Variants in DPP6 observed in about 807,000 individuals in gnomAD.
The protein encoded by DPP6 is A-type potassium channel modulatory protein DPP6.
A neutral mutation model predicts 122.6 loss-of-function variants in DPP6; 69 were observed. The observed-to-expected ratio is 0.56, with a 90% CI of 0.46 to 0.69. The LOEUF is 0.69. DPP6 is among the 30% of genes least tolerant of loss of function. The pLI, the probability that DPP6 is intolerant of heterozygous loss-of-function variation, is 0.00. For missense variants in DPP6, 928 were observed against 1,116.9 expected (o/e 0.83, Z 2.41); for synonymous variants, 418 against 433.1 (o/e 0.97, Z 0.43).
intron 1 of DPP6, among the ~76,000 whole-genome samples, chr7:154,096,941 T>A (rs1333254799): frequency 2.0e-5 from 3 of 152,214 alleles, no homozygotes; most frequent in Non-Finnish European, 4.4e-5. Flanking sequence ...CAAGGCTGGC[T>A]CAAGAAATGG....
At chr7:154,318,063 C>T (rs1241936257) in intron 1 of DPP6, among the ~76,000 whole-genome samples, 2 of 152,064 alleles carry the variant, frequency 1.3e-5, no homozygotes, top group African/African-American at 4.8e-5. Context: ...TGTGTTGATC[C>T]AGTGTTTTAA....
chr7:154,562,778 G>A (rs926503854), intron 4 of DPP6, among the ~76,000 whole-genome samples: 2 of 151,978 alleles, frequency 1.3e-5, no homozygotes, highest in Non-Finnish European at 2.9e-5. Context: ...AATGAATTTT[G>A]CATATTAGCA....
intron 10 of DPP6, among the ~76,000 whole-genome samples, chr7:154,784,279 G>A (rs1222825874): frequency 2.6e-5 from 4 of 152,060 alleles, no homozygotes; most frequent in Non-Finnish European, 5.9e-5. Flanking sequence ...AGAGACCTAG[G>A]ACAAGAGTGA....
chr7:154,020,907 A>G (rs1217824466), intron 1 of DPP6, among the ~76,000 whole-genome samples: 2 of 152,174 alleles, frequency 1.3e-5, no homozygotes, highest in Non-Finnish European at 2.9e-5. Context: ...AAATGGGTAG[A>G]CATGTGACAA....
chr7:154,579,503 T>A (rs1831903410), intron 5 of DPP6, among the ~76,000 whole-genome samples: 2 of 152,236 alleles, frequency 1.3e-5, no homozygotes, highest in Admixed American at 1.3e-4. Context: ...ATCAACCACT[T>A]TTTAAGTTAC....
At chr7:154,527,958 G>GA (rs942205111) in intron 3 of DPP6, among the ~76,000 whole-genome samples, 1 of 149,582 alleles carries the variant, frequency 6.7e-6, no homozygotes, top group African/African-American at 2.5e-5. Flanking sequence ...GAGAGAGTTA[G>GA]AAAAAATAAT....
chr7:153,900,322 A>C (rs926261678), intron 1 of DPP6, among the ~76,000 whole-genome samples: 1 of 151,778 alleles, frequency 6.6e-6, no homozygotes, highest in Non-Finnish European at 1.5e-5. Context: ...CTTTGTAGCA[A>C]TGCCCCATTC....
intron 1 of DPP6, among the ~76,000 whole-genome samples, chr7:154,320,397 A>G (rs1252008912): frequency 6.6e-6 from 1 of 152,210 alleles, no homozygotes; most frequent in Non-Finnish European, 1.5e-5. Flanking sequence ...TCTACAGGAA[A>G]ATGAGAATCA....
intron 1 of DPP6, among the ~76,000 whole-genome samples, chr7:153,969,726 A>G (rs1296819470): frequency 6.7e-6 from 1 of 149,376 alleles, no homozygotes; most frequent in African/African-American, 2.6e-5. Context: ...CTCTAATTTA[A>G]GAGTGCAGTT....
chr7:154,831,572 G>A (rs1032136417), intron 16 of DPP6, among the ~76,000 whole-genome samples: 5 of 152,086 alleles, frequency 3.3e-5, no homozygotes, highest in Admixed American at 1.3e-4. Flanking sequence ...TTCAGGTGAC[G>A]TGACAGTTTA....
intron 1 of DPP6, among the ~76,000 whole-genome samples, chr7:154,104,879 A>T (rs930615974): frequency 4.6e-5 from 7 of 151,544 alleles, no homozygotes; most frequent in Non-Finnish European, 1.0e-4. Context: ...GTGTGCCTAC[A>T]TAACAAACAC....
At chr7:154,310,317 C>A (rs1293688762) in intron 1 of DPP6, among the ~76,000 whole-genome samples, 1 of 152,174 alleles carries the variant, frequency 6.6e-6, no homozygotes, top group Non-Finnish European at 1.5e-5. Context: ...AGCCTGGAGG[C>A]GGCATGCGCT....
chr7:154,855,053 A>G (rs4960560), intron 17 of DPP6, among the ~76,000 whole-genome samples: 1 of 151,444 alleles, frequency 6.6e-6, no homozygotes. Flanking sequence ...CCTGATTCCT[A>G]TCTCTGTGGT....
At chr7:153,825,313 G>T in the DPP6 span, among the ~76,000 whole-genome samples, 1 of 152,004 alleles carries the variant, frequency 6.6e-6, no homozygotes, top group Non-Finnish European at 1.5e-5. Context: ...CACCTCCAAA[G>T]GCTCTACCGT....
chr7:154,743,167 C>T (rs1252623874), intron 8 of DPP6, among the ~76,000 whole-genome samples: 1 of 152,214 alleles, frequency 6.6e-6, no homozygotes, highest in East Asian at 1.9e-4. Context: ...GCTCTTTTAT[C>T]TCCAGCGCAT....
At chr7:153,843,270 AT>A in the DPP6 span, among the ~76,000 whole-genome samples, 2 of 100,084 alleles carry the variant, frequency 2.0e-5, no homozygotes, top group African/African-American at 6.5e-5. Context: ...ACACACACGC[AT>A]GCGCGCGCGC....
At chr7:154,287,339 G>T (rs1027814351) in intron 1 of DPP6, among the ~76,000 whole-genome samples, 14 of 152,224 alleles carry the variant, frequency 9.2e-5, no homozygotes, top group African/African-American at 3.4e-4. Context: ...CTGTTTCTAA[G>T]TGGATGACCC....
At chr7:154,100,733 A>C (rs1805670822) in intron 1 of DPP6, among the ~76,000 whole-genome samples, 1 of 98,406 alleles carries the variant, frequency 1.0e-5, no homozygotes. Context: ...CTCCCTCCCC[A>C]CGCCAGCAGT....
chr7:154,888,523 C>A (rs1806348648), intron 23 of DPP6, among the ~76,000 whole-genome samples: 1 of 152,206 alleles, frequency 6.6e-6, no homozygotes, highest in Admixed American at 6.5e-5. Flanking sequence ...GAGCTCCTGG[C>A]CGAGGCAGCA....
Sources: gnomAD v4.1 joint callset for allele counts (sites outside exome capture counted in the v4.1 genomes callset) on GRCh38, gnomAD v4.1.1 for gene constraint, MANE v1.5 for transcripts, NCBI Gene and HGNC (gene_info 2026-07-23, HGNC 2026-07-21) for gene names.